Variants in ADGRL4 observed in about 807,000 individuals in gnomAD.
ADGRL4 encodes adhesion G protein-coupled receptor L4, also known as EGF, latrophilin and seven transmembrane domain containing 1.
ADGRL4 carries 90 observed loss-of-function variants against 74.8 expected under a neutral mutation model. The observed-to-expected ratio is 1.20, with a 90% CI of 1.02 to 1.43. ADGRL4 has a LOEUF of 1.43. ADGRL4 is among the 40% of genes most tolerant of loss of function. ADGRL4 has a pLI of 0.00. For missense variants in ADGRL4, 881 were observed against 814.3 expected, an observed-to-expected ratio of 1.08 and a Z score of -1.00; for synonymous variants, 311 against 279.2, an observed-to-expected ratio of 1.11 and a Z score of -1.14.
intron 2 of ADGRL4, among the ~76,000 whole-genome samples, chr1:78,946,953 C>T (rs1403225890): frequency 6.6e-6 from 1 of 152,054 alleles, no homozygotes; most frequent in Non-Finnish European, 1.5e-5. Flanking sequence ...TATTGTTCCA[C>T]AGAATAGTAT....
At chr1:78,955,992 T>A (rs1649821073) in intron 2 of ADGRL4, among the ~76,000 whole-genome samples, 2 of 152,194 alleles carry the variant, frequency 1.3e-5, no homozygotes, top group Non-Finnish European at 2.9e-5. Context: ...CTAGTCTTTT[T>A]CCAGATTATA....
intron 2 of ADGRL4, among the ~76,000 whole-genome samples, chr1:78,957,422 T>G (rs1649858489): frequency 6.6e-6 from 1 of 152,132 alleles, no homozygotes; most frequent in South Asian, 2.1e-4. Flanking sequence ...TGAAGGAAAT[T>G]AAAAGTGCCA....
intron 2 of ADGRL4, among the ~76,000 whole-genome samples, chr1:78,987,754 T>C (rs1650527559): frequency 6.6e-6 from 1 of 151,802 alleles, no homozygotes; most frequent in Non-Finnish European, 1.5e-5. Flanking sequence ...TCCTTTTCAA[T>C]ATTGCATGAC....
At chr1:78,986,683 G>A (rs1041589176) in intron 2 of ADGRL4, among the ~76,000 whole-genome samples, 3 of 151,700 alleles carry the variant, frequency 2.0e-5, no homozygotes, top group South Asian at 2.1e-4. Flanking sequence ...TGGGGTAAAA[G>A]TAAAATTTTT....
chr1:78,987,613 T>C (rs758885354), intron 2 of ADGRL4, among the ~76,000 whole-genome samples: 3 of 151,796 alleles, frequency 2.0e-5, no homozygotes, highest in Admixed American at 1.3e-4. Flanking sequence ...GTTATCTAGC[T>C]GGTAGAAGAA....
At chr1:78,935,041 A>G (rs1213361613) in intron 7 of ADGRL4, among the ~76,000 whole-genome samples, 1 of 152,214 alleles carries the variant, frequency 6.6e-6, no homozygotes. Flanking sequence ...TGAACCCACA[A>G]TCCCATTACT....
At position 79,005,239 on chromosome 1, in the gene ADGRL4, A is replaced by T. The variant is rs768051968; in HGVS notation, c.23-20T>A. The T allele has an allele frequency of 1.3e-6, 2 of 1,569,962 alleles. No individual in the cohort carries two copies. On this transcript the variant is annotated intron_variant, in intron 1 of 14. Transcript: ENST00000370742. ...AAACCACTAAATAAAATAGAGAAAT[A>T]CACCTTTTCAAAAAGTAAAACAAAC...
At position 78,963,902 on chromosome 1, in the gene ADGRL4, A is replaced by G. The variant is rs553887387; in HGVS notation, c.173-17476T>C. ...ATGTGAGTAATTTATAGCTATTTAA[A>G]TTGAAAATGACACTGAGTGTAATCA... On this transcript the variant is annotated intron_variant, in intron 2 of 14. Transcript: ENST00000370742. Among the ~76,000 whole-genome samples, 7 of 152,288 alleles carry G rather than the reference A, an allele frequency of 4.6e-5. No individual in the cohort carries two copies. The East Asian group carries it at 1.4e-3, about 29-fold the overall frequency.
intron 2 of ADGRL4, among the ~76,000 whole-genome samples, chr1:78,989,972 G>A (rs1009067114): frequency 6.6e-6 from 1 of 151,818 alleles, no homozygotes; most frequent in Non-Finnish European, 1.5e-5. Context: ...CTTCCTCCAA[G>A]GCCCTGACTC....
intron 2 of ADGRL4, among the ~76,000 whole-genome samples, chr1:78,956,356 C>G (rs1649829406): frequency 6.6e-6 from 1 of 152,104 alleles, no homozygotes; most frequent in Non-Finnish European, 1.5e-5. Context: ...CTGCACCTAG[C>G]CTTGCACATT....
At chr1:78,919,123 A>G (rs1018619620) in intron 10 of ADGRL4, among the ~76,000 whole-genome samples, 7 of 152,016 alleles carry the variant, frequency 4.6e-5, no homozygotes, top group African/African-American at 1.4e-4. Flanking sequence ...ACTATTTAAA[A>G]TAAACACTTC....
At chr1:78,918,082 T>C (rs2100669623) in intron 10 of ADGRL4, 32 bp from the exon 11 acceptor site, 3 of 1,475,152 alleles carry the variant, frequency 2.0e-6, no homozygotes, top group Non-Finnish European at 2.8e-6. Flanking sequence ...AAAAACATTG[T>C]CAGTGTTTGT....
chr1:78,972,062 T>C (rs1471993432), intron 2 of ADGRL4, among the ~76,000 whole-genome samples: 1 of 152,126 alleles, frequency 6.6e-6, no homozygotes, highest in African/African-American at 2.4e-5. Flanking sequence ...GCCAGGATTA[T>C]TTTAAGGATT....
intron 2 of ADGRL4, among the ~76,000 whole-genome samples, chr1:78,987,005 G>A (rs17102583): frequency 0.016 from 2,417 of 151,858 alleles, 64 homozygotes; most frequent in African/African-American, 0.056. Context: ...ATCATGACAC[G>A]ATGGTATCAT....
In ADGRL4 at chr1:78,918,007, A is replaced by G; in HGVS notation, c.1505T>C (p.Leu502Ser). ...AATGCACATCCATGCAAAAGCAGCTAAAAAGAAGTAGTGTAGCAGTCCGGC... is the reference window on the plus strand; with the variant it reads ...AATGCACATCCATGCAAAAGCAGCTGAAAAGAAGTAGTGTAGCAGTCCGGC... ...IIAGLLHYFF[L>S]AAFAWMCIEG... is the part of the protein sequence containing the mutation. Residue 502 changes from leucine (L) to serine (S), a missense_variant, in exon 11 of 15, where the codon TTA (leucine) becomes TCA (serine). By Grantham distance (145) the Leu-to-Ser change is moderately radical. Transcript: ENST00000370742. 6 of 1,612,448 alleles carry G rather than the reference A, an allele frequency of 3.7e-6. No homozygotes were observed. The highest frequency in any genetic ancestry group is 5.1e-6 in the Non-Finnish European group (6 of 1,178,982).
At chr1:79,000,179 A>G (rs1650813101) in intron 2 of ADGRL4, among the ~76,000 whole-genome samples, 2 of 152,284 alleles carry the variant, frequency 1.3e-5, no homozygotes, top group Admixed American at 1.3e-4. Flanking sequence ...CTGATTAAAA[A>G]TAAATGAGGC....
chr1:78,916,714 G>A (rs570038261), intron 12 of ADGRL4, among the ~76,000 whole-genome samples: 1 of 151,866 alleles, frequency 6.6e-6, no homozygotes, highest in African/African-American at 2.4e-5. Flanking sequence ...AAAACTCAAA[G>A]GAAAGAGGAA....
At chr1:78,920,894 T>C (rs1367314202) in intron 9 of ADGRL4, among the ~76,000 whole-genome samples, 1 of 151,924 alleles carries the variant, frequency 6.6e-6, no homozygotes, top group East Asian at 1.9e-4. Flanking sequence ...ACTAGATGAA[T>C]ACTTATGTTT....
At chr1:78,999,683 A>T (rs371092154) in intron 2 of ADGRL4, among the ~76,000 whole-genome samples, 3 of 152,198 alleles carry the variant, frequency 2.0e-5, no homozygotes, top group Non-Finnish European at 1.5e-5. Flanking sequence ...CACCGTGTTC[A>T]CTTTGCATAC....
Sources: allele counts gnomAD v4.1 joint callset (sites outside exome capture counted in the v4.1 genomes callset), GRCh38; gene constraint gnomAD v4.1.1; transcripts MANE v1.5; gene names NCBI Gene and HGNC (gene_info 2026-07-23, HGNC 2026-07-21).